Variants in RYR2 observed in about 807,000 individuals in gnomAD.
RYR2 encodes the protein cardiac muscle ryanodine receptor-calcium release channel.
A neutral mutation model predicts 601.1 loss-of-function variants in RYR2; 227 were observed. The observed-to-expected ratio is 0.38, with a 90% CI of 0.34 to 0.42. The LOEUF is 0.42. RYR2 is among the 10% of genes least tolerant of loss of function. RYR2 has a pLI of 1.00. For missense variants in RYR2, 4,646 were observed against 6,156.5 expected (o/e 0.75, Z 8.21); for synonymous variants, 2,223 against 2,175.1 (o/e 1.02, Z -0.61).
chr1:237,163,186 T>A (rs1353833482), intron 1 of RYR2, among the ~76,000 whole-genome samples: 1 of 152,204 alleles, frequency 6.6e-6, no homozygotes, highest in Non-Finnish European at 1.5e-5. Context: ...CACCGTGATC[T>A]CTAAGATACC....
At chr1:237,060,020 A>G (rs1662649307) in intron 1 of RYR2, among the ~76,000 whole-genome samples, 1 of 152,210 alleles carries the variant, frequency 6.6e-6, no homozygotes, top group Non-Finnish European at 1.5e-5. Flanking sequence ...TGCTGAGGCT[A>G]GAATCTGATG....
At chr1:237,598,389 G>A (rs1400523033) in intron 34 of RYR2, among the ~76,000 whole-genome samples, 2 of 152,114 alleles carry the variant, frequency 1.3e-5, no homozygotes, top group African/African-American at 4.8e-5. Context: ...CTGCTCATGT[G>A]GCATTCTCCA....
At chr1:237,705,864 G>C (rs1189308100) in intron 67 of RYR2, among the ~76,000 whole-genome samples, 1 of 152,278 alleles carries the variant, frequency 6.6e-6, no homozygotes, top group African/African-American at 2.4e-5. Flanking sequence ...TTAGCTTATA[G>C]CAGAAAGAAT....
At chr1:237,740,478 T>A (rs1691513818) in intron 79 of RYR2, among the ~76,000 whole-genome samples, 1 of 152,146 alleles carries the variant, frequency 6.6e-6, no homozygotes, top group African/African-American at 2.4e-5. Context: ...TTATTAAAAA[T>A]TTTTTTCAGC....
intron 60 of RYR2, among the ~76,000 whole-genome samples, chr1:237,675,901 C>T (rs556985988): frequency 6.6e-6 from 1 of 152,226 alleles, no homozygotes; most frequent in African/African-American, 2.4e-5. Context: ...TCTCTTTGAG[C>T]CCTTCTTTTT....
At chr1:237,269,889 GA>G (rs1224957700) in intron 1 of RYR2, among the ~76,000 whole-genome samples, 1 of 152,144 alleles carries the variant, frequency 6.6e-6, no homozygotes, top group African/African-American at 2.4e-5. Flanking sequence ...GAATTGATTG[GA>G]AACCTGTTTT....
At chr1:237,691,405 T>A (rs964946701) in intron 63 of RYR2, among the ~76,000 whole-genome samples, 7 of 152,126 alleles carry the variant, frequency 4.6e-5, no homozygotes, top group African/African-American at 1.7e-4. Flanking sequence ...CAGAGTTTGA[T>A]GGGTAATGGA....
chr1:237,532,668 A>T (rs185162456), intron 25 of RYR2, among the ~76,000 whole-genome samples: 3 of 152,206 alleles, frequency 2.0e-5, no homozygotes, highest in Non-Finnish European at 2.9e-5. Context: ...ATAAGAAAGT[A>T]GAAATGTTAA....
At chr1:237,764,286 G>A (rs1693663434) in intron 84 of RYR2, among the ~76,000 whole-genome samples, 1 of 152,068 alleles carries the variant, frequency 6.6e-6, no homozygotes, top group Non-Finnish European at 1.5e-5. Flanking sequence ...AGACTGAAAT[G>A]CAGGCATTCT....
In RYR2 at chr1:237,445,437, A is replaced by T; in HGVS notation, c.1207A>T (p.Ile403Leu). 9 of 1,613,708 alleles carry T rather than the reference A, an allele frequency of 5.6e-6. No individual in the cohort carries two copies. Among genetic ancestry groups the T allele is most frequent in the Non-Finnish European group, 7.6e-6 (9 of 1,179,694 alleles). ...MHHEGHMDDG[I>L]SLSRSQHEES... ...TCATGAAGGCCACATGGATGATGGC[A>T]TAAGTTTGTCGAGATCCCAGCATGA... The change falls in exon 14 of 105, where the codon ATA becomes TTA. Residue 403 changes from isoleucine to leucine, a missense_variant. Coordinates refer to ENST00000366574, the MANE Select transcript of RYR2 (RefSeq NM_001035.3).
intron 89 of RYR2, among the ~76,000 whole-genome samples, chr1:237,782,336 G>A (rs1007760150): frequency 7.9e-5 from 12 of 151,934 alleles, no homozygotes; most frequent in African/African-American, 2.9e-4. Context: ...TTCCTCCTCT[G>A]CAAAATAGAA....
At chr1:237,549,930 C>T (rs748280221) in intron 26 of RYR2, among the ~76,000 whole-genome samples, 9 of 152,184 alleles carry the variant, frequency 5.9e-5, no homozygotes, top group Non-Finnish European at 1.2e-4. Context: ...TTCACTCTCT[C>T]TGTGTCAACA....
chr1:237,366,009 G>A (rs1293911144), intron 5 of RYR2, among the ~76,000 whole-genome samples: 1 of 152,198 alleles, frequency 6.6e-6, no homozygotes, highest in African/African-American at 2.4e-5. Context: ...TGGATTAAGG[G>A]GAGGGCATAT....
intron 52 of RYR2, among the ~76,000 whole-genome samples, chr1:237,655,290 AT>A (rs1277332897): frequency 2.0e-5 from 3 of 152,206 alleles, no homozygotes; most frequent in African/African-American, 4.8e-5. Flanking sequence ...TGTCATTAAT[AT>A]ATAAATAGCT....
chr1:237,509,121 G>C (rs1468936461), intron 23 of RYR2, among the ~76,000 whole-genome samples: 1 of 152,176 alleles, frequency 6.6e-6, no homozygotes, highest in Non-Finnish European at 1.5e-5. Context: ...CCTTTGCTGG[G>C]TCTGAGGCCA....
intron 12 of RYR2, among the ~76,000 whole-genome samples, chr1:237,432,112 T>A (rs5022151): frequency 0.11 from 16,218 of 151,348 alleles, 1,094 homozygotes; most frequent in East Asian, 0.24. Flanking sequence ...TTTTTTTTAT[T>A]CATTTCTTGG....
At chr1:237,464,762 C>T (rs191969162) in intron 16 of RYR2, among the ~76,000 whole-genome samples, 1 of 152,264 alleles carries the variant, frequency 6.6e-6, no homozygotes, top group Admixed American at 6.5e-5. Context: ...TCTTTTATAG[C>T]AGATGTTTTC....
At chr1:237,787,889 G>T in intron 91 of RYR2, 99 bp from the exon 92 acceptor site, 3 of 1,133,556 alleles carry the variant, frequency 2.6e-6, no homozygotes, top group Non-Finnish European at 3.8e-6. Flanking sequence ...AAAGTAATAT[G>T]ATGGCCTAAA....
chr1:237,306,315 A>G (rs1191598937), intron 2 of RYR2, among the ~76,000 whole-genome samples: 1 of 152,192 alleles, frequency 6.6e-6, no homozygotes, highest in Non-Finnish European at 1.5e-5. Flanking sequence ...TTAAACATCA[A>G]ATACATGAGT....
Sources: allele counts gnomAD v4.1 joint callset (sites outside exome capture counted in the v4.1 genomes callset), GRCh38; gene constraint gnomAD v4.1.1; transcripts MANE v1.5; gene names NCBI Gene and HGNC (gene_info 2026-07-23, HGNC 2026-07-21).